The following CHRDL1 variants were observed in gnomAD, a reference collection of about 807,000 sequenced individuals.
CHRDL1 encodes the protein chordin like 1.
CHRDL1 carries 19 observed loss-of-function variants against 40.9 expected under a neutral mutation model. That is an observed-to-expected ratio of 0.46 (90% CI 0.32 to 0.68). The LOEUF is 0.68. CHRDL1 is among the 30% of genes least tolerant of loss of function. CHRDL1 has a pLI of 0.03. For synonymous variants in CHRDL1, 136 were observed against 123.4 expected (o/e 1.10, Z -0.68); for missense variants, 329 against 352.1 (o/e 0.93, Z 0.53).
chrX:110,705,873 A>G (rs2070627974), intron 6 of CHRDL1, among the ~76,000 whole-genome samples: 1 of 110,049 alleles, frequency 9.1e-6, no homozygotes, highest in Non-Finnish European at 1.9e-5. Flanking sequence ...AACTGTTAGC[A>G]TTTCTGGTGC....
chrX:110,726,428 A>G (rs1019289441), intron 4 of CHRDL1, among the ~76,000 whole-genome samples: 8 of 111,849 alleles, frequency 7.2e-5, no homozygotes, highest in Non-Finnish European at 1.5e-4. Context: ...ACCAGAAGCC[A>G]AGCCCTCACC....
rs761239156 is a variant in CHRDL1, at chrX:110,678,214, C to T, written c.1246+1122G>A. Among the ~76,000 whole-genome samples the T allele has an allele frequency of 3.6e-5, 4 of 112,261 alleles. No individual in the cohort carries two copies. In the Admixed American group the frequency reaches 3.8e-4, roughly 11 times the overall value. On this transcript the variant is annotated intron_variant, in intron 11 of 11. Transcript: ENST00000372042. ...TCCTAGCATGATAAATTGGGCACTTCATAATCTGGCTTCGTCAAAGTGTGT... is the reference window on the plus strand; with the variant it reads ...TCCTAGCATGATAAATTGGGCACTTTATAATCTGGCTTCGTCAAAGTGTGT...
intron 4 of CHRDL1, among the ~76,000 whole-genome samples, chrX:110,747,409 AACACACAC>A (rs113917102): frequency 1.1e-5 from 1 of 91,239 alleles, no homozygotes; most frequent in South Asian, 5.7e-4. Flanking sequence ...ATCAAAACAA[AACACACAC>A]ACACACACAC....
At chrX:110,735,598 A>G (rs1397771525) in intron 4 of CHRDL1, among the ~76,000 whole-genome samples, 6 of 112,288 alleles carry the variant, frequency 5.3e-5, no homozygotes, top group Middle Eastern at 4.6e-3. Flanking sequence ...TAGCATCTCC[A>G]GTATCTTTTC....
At chrX:110,747,493 C>T (rs1028098910) in intron 4 of CHRDL1, among the ~76,000 whole-genome samples, 8 of 110,000 alleles carry the variant, frequency 7.3e-5, no homozygotes, top group African/African-American at 2.7e-4. Flanking sequence ...TATAACAGTC[C>T]CCCAAATTGC....
intron 6 of CHRDL1, among the ~76,000 whole-genome samples, chrX:110,716,842 A>G (rs1185668171): frequency 9.0e-6 from 1 of 111,512 alleles, no homozygotes; most frequent in African/African-American, 3.3e-5. Context: ...TCTCCATCCA[A>G]CCTGTACATG....
At chrX:110,708,294 T>G (rs2070684212) in intron 6 of CHRDL1, among the ~76,000 whole-genome samples, 1 of 110,880 alleles carries the variant, frequency 9.0e-6, no homozygotes, top group Non-Finnish European at 1.9e-5. Flanking sequence ...TTACTGAGTA[T>G]ATACCCAAAG....
chrX:110,773,466 C>T (rs1425487371), intron 2 of CHRDL1, among the ~76,000 whole-genome samples: 5 of 111,229 alleles, frequency 4.5e-5, no homozygotes, highest in African/African-American at 1.6e-4. Flanking sequence ...CGGTGGCTCA[C>T]GCCTGTAATC....
chrX:110,676,150 T>A lies in CHRDL1; in HGVS notation c.*81A>T. ...TTGAGTTTGGAGTTTTAGGGCACTG[T>A]TGACTTAAGCAAAATAAGCCTGCAG... On this transcript the variant is annotated 3_prime_UTR_variant, in exon 12 of 12. Transcript: ENST00000372042. 1 of 1,037,356 alleles carries A rather than the reference T, an allele frequency of 9.6e-7. No homozygotes were observed. The highest frequency in any genetic ancestry group is 1.3e-6 in the Non-Finnish European group (1 of 762,856). 85.5% of individuals were successfully genotyped at this position (1,037,356 alleles called of 1,213,427 possible).
At chrX:110,728,521 G>A (rs762093085) in intron 4 of CHRDL1, among the ~76,000 whole-genome samples, 1 of 111,578 alleles carries the variant, frequency 9.0e-6, no homozygotes, top group Non-Finnish European at 1.9e-5. Flanking sequence ...TCCTAGCTAT[G>A]ACTTTGTGTT....
Position 110,688,737 on chromosome X carries a change from C to A in CHRDL1, c.845G>T (p.Gly282Val), listed in dbSNP as rs777930693. 8.3e-7 allele frequency: 1 copy of A among 1,209,912 alleles called. No homozygotes were observed. The change falls in exon 9 of 12, where the codon GGC becomes GTC. Residue 282 changes from glycine (G) to valine (V), a missense_variant. Physicochemically the swap from Gly to Val is moderately radical, Grantham distance 109. Transcript: ENST00000372042. Reference protein sequence around the residue: ...ESWHPNLRAFGIVECVLCTCN... With the variant: ...ESWHPNLRAFVIVECVLCTCN... ...AGTACATAGCACACACTCCACAATG[C>A]CAAATGCCCGGAGGTTTGGGTGCCA...
At chrX:110,720,629 A>T (rs1261402893) in intron 5 of CHRDL1, among the ~76,000 whole-genome samples, 1 of 111,884 alleles carries the variant, frequency 8.9e-6, no homozygotes, top group Non-Finnish European at 1.9e-5. Context: ...GAGATACTAT[A>T]TTCTTACTAA....
intron 7 of CHRDL1, among the ~76,000 whole-genome samples, chrX:110,696,296 A>G (rs1380714349): frequency 9.0e-6 from 1 of 111,389 alleles, no homozygotes; most frequent in Non-Finnish European, 1.9e-5. Context: ...GACATATAAT[A>G]ATGGTAGGAA....
chrX:110,755,660 G>A (rs909011868), intron 4 of CHRDL1, among the ~76,000 whole-genome samples: 9 of 111,897 alleles, frequency 8.0e-5, no homozygotes, highest in African/African-American at 1.6e-4. Context: ...CTTATTTGTC[G>A]TCTTTTTATA....
At chrX:110,783,960 T>C (rs1337581286) in intron 2 of CHRDL1, among the ~76,000 whole-genome samples, 1 of 112,118 alleles carries the variant, frequency 8.9e-6, no homozygotes, top group Non-Finnish European at 1.9e-5. Flanking sequence ...CATGTCAGTA[T>C]TACAATAATA....
At chrX:110,789,486 C>A (rs1042838688) in intron 2 of CHRDL1, among the ~76,000 whole-genome samples, 2 of 111,781 alleles carry the variant, frequency 1.8e-5, no homozygotes, top group Non-Finnish European at 3.8e-5. Context: ...TAGCAAAAAC[C>A]GGAAACAACC....
At chrX:110,779,572 G>T (rs1385346742) in intron 2 of CHRDL1, among the ~76,000 whole-genome samples, 1 of 111,208 alleles carries the variant, frequency 9.0e-6, no homozygotes, top group African/African-American at 3.3e-5. Context: ...CTATTACTTT[G>T]CCAATATCTC....
chrX:110,734,372 T>C, intron 4 of CHRDL1, among the ~76,000 whole-genome samples: 1 of 112,334 alleles, frequency 8.9e-6, no homozygotes, highest in East Asian at 2.8e-4. Context: ...TGGAAGTTTC[T>C]CATAATCCAG....
chrX:110,769,043 C>G (rs1439999435), intron 2 of CHRDL1, among the ~76,000 whole-genome samples: 1 of 111,915 alleles, frequency 8.9e-6, no homozygotes, highest in Non-Finnish European at 1.9e-5. Context: ...ACCATGTTAA[C>G]TGCCTTATTG....
Sources: gnomAD v4.1 joint callset for allele counts (sites outside exome capture counted in the v4.1 genomes callset) on GRCh38, gnomAD v4.1.1 for gene constraint, MANE v1.5 for transcripts, NCBI Gene and HGNC (gene_info 2026-07-23, HGNC 2026-07-21) for gene names.